Variants in SEMA5A observed in about 807,000 individuals in gnomAD.
The protein encoded by SEMA5A is semaphorin 5A, also known as semaphorin-5A.
A neutral mutation model predicts 135.5 loss-of-function variants in SEMA5A; 55 were observed. The ratio of observed to expected loss-of-function variants is 0.41; its 90% CI spans 0.33 to 0.51. The LOEUF (loss-of-function observed/expected upper bound fraction) is 0.51, where lower values mean the gene tolerates loss of function less well. Among genes scored for constraint, SEMA5A ranks in the 20% least tolerant of loss-of-function variants. The probability of loss-of-function intolerance (pLI) is 0.37; values close to 1 mark genes in which losing one functional copy is unlikely to be tolerated. For missense variants in SEMA5A, 1,290 were observed against 1,419.9 expected (o/e 0.91, Z 1.47); for synonymous variants, 580 against 546.5 (o/e 1.06, Z -0.85).
intron 2 of SEMA5A, among the ~76,000 whole-genome samples, chr5:9,384,586 A>G (rs1755761695): frequency 8.4e-6 from 1 of 118,620 alleles, no homozygotes; most frequent in Non-Finnish European, 1.8e-5. Context: ...ATAGATAGAT[A>G]GATAGATAGA....
intron 2 of SEMA5A, among the ~76,000 whole-genome samples, chr5:9,409,754 C>G (rs1052700630): frequency 6.6e-6 from 1 of 152,166 alleles, no homozygotes; most frequent in African/African-American, 2.4e-5. Flanking sequence ...TCGTCAGACA[C>G]GAGGCATTAG....
chr5:9,314,623 T>C (rs1029145800), intron 5 of SEMA5A, among the ~76,000 whole-genome samples: 2 of 152,042 alleles, frequency 1.3e-5, no homozygotes, highest in Non-Finnish European at 2.9e-5. Flanking sequence ...TCTGTTATAC[T>C]TGGGAACTGT....
At chr5:9,289,419 C>A (rs1233953284) in intron 5 of SEMA5A, among the ~76,000 whole-genome samples, 1 of 151,976 alleles carries the variant, frequency 6.6e-6, no homozygotes, top group Admixed American at 6.6e-5. Context: ...TATATAAATC[C>A]AATTTCTTGG....
chr5:9,247,469 C>G (rs1748539646), intron 5 of SEMA5A, among the ~76,000 whole-genome samples: 1 of 152,184 alleles, frequency 6.6e-6, no homozygotes, highest in Non-Finnish European at 1.5e-5. Flanking sequence ...TACCTGATTA[C>G]TTTCTCTAGA....
chr5:9,522,276 G>C (rs557518508), intron 1 of SEMA5A, among the ~76,000 whole-genome samples: 4 of 152,170 alleles, frequency 2.6e-5, no homozygotes, highest in Non-Finnish European at 5.9e-5. Context: ...GACAAAGGGC[G>C]TAATTGCAAA....
At chr5:9,047,570 A>G (rs1052295869) in intron 21 of SEMA5A, among the ~76,000 whole-genome samples, 3 of 152,224 alleles carry the variant, frequency 2.0e-5, no homozygotes, top group Non-Finnish European at 2.9e-5. Context: ...TGATCAGTAA[A>G]GATGGAATAC....
At chr5:9,412,572 G>A (rs796439780) in intron 2 of SEMA5A, among the ~76,000 whole-genome samples, 11 of 136,510 alleles carry the variant, frequency 8.1e-5, no homozygotes, top group African/African-American at 3.0e-4. Flanking sequence ...CTTGGGGCCA[G>A]AACGGATTCA....
At chr5:9,192,235 T>C (rs555133787) in intron 10 of SEMA5A, among the ~76,000 whole-genome samples, 1 of 152,386 alleles carries the variant, frequency 6.6e-6, no homozygotes, top group South Asian at 2.1e-4. Flanking sequence ...TCCTGCCACA[T>C]GGTCTGAGGT....
intron 2 of SEMA5A, among the ~76,000 whole-genome samples, chr5:9,419,832 A>G (rs1757404448): frequency 6.6e-6 from 1 of 152,190 alleles, no homozygotes; most frequent in South Asian, 2.1e-4. Context: ...ACGAATAACC[A>G]ACAAAAACAA....
chr5:9,444,434 T>C (rs1026583993), intron 1 of SEMA5A, among the ~76,000 whole-genome samples: 1 of 152,232 alleles, frequency 6.6e-6, no homozygotes, highest in African/African-American at 2.4e-5. Context: ...AATAAGAATA[T>C]ACAATGTTTG....
At chr5:9,091,777 A>G (rs1483434918) in intron 16 of SEMA5A, among the ~76,000 whole-genome samples, 2 of 152,140 alleles carry the variant, frequency 1.3e-5, no homozygotes, top group Non-Finnish European at 2.9e-5. Flanking sequence ...CAATTCTAGG[A>G]AAACAACAGA....
At chr5:9,346,369 G>A (rs1172131355) in intron 3 of SEMA5A, among the ~76,000 whole-genome samples, 2 of 151,956 alleles carry the variant, frequency 1.3e-5, no homozygotes, top group African/African-American at 2.4e-5. Context: ...CCTTCAGTTC[G>A]CTCATGTAAC....
At chr5:9,355,505 C>T (rs1754401741) in intron 3 of SEMA5A, among the ~76,000 whole-genome samples, 1 of 152,088 alleles carries the variant, frequency 6.6e-6, no homozygotes, top group Non-Finnish European at 1.5e-5. Context: ...TTCACTAGAA[C>T]AGCTCAATCT....
At chr5:9,352,383 A>G (rs1276292734) in intron 3 of SEMA5A, among the ~76,000 whole-genome samples, 1 of 152,062 alleles carries the variant, frequency 6.6e-6, no homozygotes, top group Non-Finnish European at 1.5e-5. Flanking sequence ...GCTATCGTCT[A>G]TCTATCTAGA....
chr5:9,284,106 TAGAGAGAGAG>T (rs3034563), intron 5 of SEMA5A, among the ~76,000 whole-genome samples: 10 of 148,486 alleles, frequency 6.7e-5, no homozygotes, highest in South Asian at 4.4e-4. Context: ...AGATAGATAT[TAGAGAGAGAG>T]AGAGAGAGAG....
chr5:9,290,799 C>T (rs1034588978), intron 5 of SEMA5A, among the ~76,000 whole-genome samples: 4 of 152,124 alleles, frequency 2.6e-5, no homozygotes, highest in Non-Finnish European at 5.9e-5. Context: ...TCCAGAGACC[C>T]TCCCTATAAA....
intron 11 of SEMA5A, among the ~76,000 whole-genome samples, chr5:9,163,520 G>T (rs1476537580): frequency 6.6e-6 from 1 of 151,972 alleles, no homozygotes; most frequent in African/African-American, 2.4e-5. Flanking sequence ...TCAGAGTACT[G>T]GCCAATTTAA....
chr5:9,473,650 G>A (rs1408367115), intron 1 of SEMA5A, among the ~76,000 whole-genome samples: 2 of 152,074 alleles, frequency 1.3e-5, no homozygotes, highest in Non-Finnish European at 2.9e-5. Flanking sequence ...CTGGGGAGGA[G>A]TAAAGGAGAA....
rs890858469 is a variant in SEMA5A at position 9,042,910 on chromosome 5, T to A, written c.3212A>T (p.Tyr1071Phe). ...ACATGAAAGCTGTTAGTACTCATCA[T>A]AATTATTGAGATCTGTAAAGTAGGC... ...SNAYFTDLNN[Y>F]DEY The change falls in exon 23 of 23, where the codon TAT (tyrosine) becomes TTT (phenylalanine). Residue 1071 changes from tyrosine (Y) to phenylalanine (F), a missense_variant. Coordinates refer to ENST00000382496, the MANE Select transcript of SEMA5A (RefSeq NM_003966.3). The A allele has an allele frequency of 6.8e-6, 11 of 1,613,954 alleles. No homozygotes were observed. The highest frequency in any genetic ancestry group is 6.7e-5 in the African/African-American group (5 of 74,926).
Sources: allele counts gnomAD v4.1 joint callset (sites outside exome capture counted in the v4.1 genomes callset), GRCh38; gene constraint gnomAD v4.1.1; transcripts MANE v1.5; gene names NCBI Gene and HGNC (gene_info 2026-07-23, HGNC 2026-07-21).